The following SAR1B variants were observed in gnomAD, a reference collection of about 807,000 sequenced individuals.
SAR1B encodes the protein secretion associated Ras related GTPase 1B.
Under a neutral mutation model 26.8 loss-of-function variants are expected in SAR1B, and 23 were observed. The observed-to-expected ratio is 0.86, with a 90% confidence interval of 0.62 to 1.22. The LOEUF (loss-of-function observed/expected upper bound fraction) is 1.22, where lower values mean the gene tolerates loss of function less well. Ranked by LOEUF, SAR1B falls within the 50% of genes most tolerant of loss-of-function variation. SAR1B has a pLI of 0.00. For synonymous variants in SAR1B, 65 were observed against 80.8 expected, an observed-to-expected ratio of 0.80 and a Z score of 1.05; for missense variants, 196 against 232.8, an observed-to-expected ratio of 0.84 and a Z score of 1.03.
At chr5:134,629,900 GA>G (rs60994500) in intron 1 of SAR1B, among the ~76,000 whole-genome samples, 1 of 145,434 alleles carries the variant, frequency 6.9e-6, no homozygotes, top group Non-Finnish European at 1.5e-5. Context: ...AAAAAAAAAA[GA>G]AAAAAAAGAA....
chr5:134,612,418 TAAAAC>T (rs1765228497), intron 4 of SAR1B, among the ~76,000 whole-genome samples: 1 of 151,866 alleles, frequency 6.6e-6, no homozygotes, highest in Admixed American at 6.6e-5. Flanking sequence ...TAAGTTAAAA[TAAAAC>T]AAAGTGACTG....
intron 4 of SAR1B, among the ~76,000 whole-genome samples, chr5:134,611,538 T>C (rs1765211711): frequency 6.6e-6 from 1 of 151,838 alleles, no homozygotes; most frequent in South Asian, 2.1e-4. Context: ...CTGGGCAAGA[T>C]TGTGAGACCC....
At chr5:134,616,803 C>T (rs1002374243) in intron 3 of SAR1B, among the ~76,000 whole-genome samples, 3 of 152,204 alleles carry the variant, frequency 2.0e-5, no homozygotes, top group Admixed American at 6.5e-5. Flanking sequence ...TTATGACCAG[C>T]TTCTGCCATG....
chr5:134,626,375 CA>C (rs1765494833), intron 1 of SAR1B, among the ~76,000 whole-genome samples: 1 of 120,686 alleles, frequency 8.3e-6, no homozygotes, highest in South Asian at 2.7e-4. Flanking sequence ...TAATTAGAAA[CA>C]GAATTAACTG....
At chr5:134,607,732 A>G (rs1765150757) in intron 6 of SAR1B, among the ~76,000 whole-genome samples, 1 of 148,608 alleles carries the variant, frequency 6.7e-6, no homozygotes, top group African/African-American at 2.5e-5. Context: ...AGATTGCACC[A>G]TTGTACTCCA....
At chr5:134,615,580 C>T (rs1219474718) in intron 3 of SAR1B, among the ~76,000 whole-genome samples, 5 of 151,778 alleles carry the variant, frequency 3.3e-5, no homozygotes, top group Non-Finnish European at 7.4e-5. Flanking sequence ...CTTTGGGAGG[C>T]TGAGGCGGGT....
chr5:134,624,514 T>G (rs1015686967), intron 1 of SAR1B, among the ~76,000 whole-genome samples: 4 of 151,716 alleles, frequency 2.6e-5, no homozygotes, highest in African/African-American at 9.7e-5. Context: ...GTAAATGGGA[T>G]AAGAGGTTAA....
At chr5:134,612,610 A>C in intron 4 of SAR1B, 81 bp downstream of exon 4, 2 of 1,261,296 alleles carry the variant, frequency 1.6e-6, no homozygotes, top group Non-Finnish European at 1.0e-6. Context: ...GCACCACTGC[A>C]CTCCAGCCTG....
At chr5:134,614,189 T>G (rs1197833159) in intron 3 of SAR1B, 1 of 152,182 alleles carries the variant, frequency 6.6e-6, no homozygotes, top group East Asian at 1.9e-4. Context: ...TTTCAAATAC[T>G]GTATTTTTCA....
chr5:134,625,078 C>T (rs925510098), intron 1 of SAR1B, among the ~76,000 whole-genome samples: 1 of 152,158 alleles, frequency 6.6e-6, no homozygotes, highest in Non-Finnish European at 1.5e-5. Flanking sequence ...CAGCCTATGT[C>T]TCTTGTCTAA....
Position 134,606,892 on chromosome 5 carries a change from G to T in SAR1B, c.*58C>A. 1 of 1,060,924 alleles carries T rather than the reference G, an allele frequency of 9.4e-7. No individual in the cohort carries two copies. The highest frequency in any genetic ancestry group is 1.5e-6 in the Non-Finnish European group (1 of 675,014). The allele number at this position is 1,060,924 out of a possible 1,614,324, so 65.7% of individuals were successfully genotyped here. A position where few individuals can be genotyped will look rare whatever the true frequency, so the allele number is the denominator to read the frequency against. ...ATTGAATTCAAGTTATGCATGTTGA[G>T]CAATCAAATCTCTGAGTAAGCCTGA... is the stretch of plus-strand genomic sequence containing the variant. On this transcript the variant is annotated 3_prime_UTR_variant, in exon 7 of 7. Coordinates refer to ENST00000402673, the MANE Select transcript of SAR1B (RefSeq NM_016103.4).
Position 134,601,790 on chromosome 5 carries a change from T to C in SAR1B, c.*5160A>G, listed in dbSNP as rs936095333. ...GGCCGGGCGCAGTGGTTCACGCCTA[T>C]AATCTAGCACTTTGGGAGGCTGAGG... On this transcript the variant is annotated 3_prime_UTR_variant, in exon 7 of 7. Transcript: ENST00000402673. 6.6e-6 allele frequency: 1 copy of C among 152,244 alleles called. No homozygotes were observed. The highest frequency in any genetic ancestry group is 1.9e-4 in the East Asian group (1 of 5,200). 9.4% of individuals were successfully genotyped at this position (152,244 alleles called of 1,614,324 possible).
intron 2 of SAR1B, among the ~76,000 whole-genome samples, chr5:134,623,504 T>TTA (rs372756732): frequency 7.3e-6 from 1 of 137,898 alleles, no homozygotes; most frequent in Non-Finnish European, 1.5e-5. Context: ...TCTATAAAAT[T>TTA]AAAAAAAAAA....
At chr5:134,618,689 A>G (rs1161681495) in intron 3 of SAR1B, among the ~76,000 whole-genome samples, 1 of 152,242 alleles carries the variant, frequency 6.6e-6, no homozygotes, top group Non-Finnish European at 1.5e-5. Flanking sequence ...AATGCAAAAT[A>G]AAATTTATTA....
intron 2 of SAR1B, among the ~76,000 whole-genome samples, chr5:134,621,946 C>T (rs908108635): frequency 1.3e-5 from 2 of 152,140 alleles, no homozygotes; most frequent in African/African-American, 4.8e-5. Context: ...CCATGTTGGC[C>T]AGGCTGGCCT....
At chr5:134,609,250 G>A (rs1219525603) in intron 5 of SAR1B, 1 of 420,550 alleles carries the variant, frequency 2.4e-6, no homozygotes, top group African/African-American at 2.0e-5. Context: ...ATCTTAGCAT[G>A]ACCAGGGACT....
In SAR1B at chr5:134,602,289, T is replaced by C. The variant is rs185975343; in HGVS notation, c.*4661A>G. On this transcript the variant is annotated 3_prime_UTR_variant, in exon 7 of 7. Coordinates refer to ENST00000402673, the MANE Select transcript of SAR1B (RefSeq NM_016103.4). The stretch of plus-strand genomic sequence containing the variant: ...TTAGTGCCATTAAATATATTAGCTA[T>C]TTAATGCTCTAAATTATAAGGACAA... The C allele has an allele frequency of 6.6e-6, 1 of 152,338 alleles. No homozygotes were observed. The highest frequency in any genetic ancestry group is 1.9e-4 in the East Asian group (1 of 5,184). The allele number at this position is 152,338 out of a possible 1,614,324, so 9.4% of individuals were successfully genotyped here.
At chr5:134,631,804 C>T (rs186800305) in intron 1 of SAR1B, 15 of 152,374 alleles carry the variant, frequency 9.8e-5, no homozygotes, top group African/African-American at 3.4e-4. Flanking sequence ...TGGCTCATGC[C>T]TTTAATCCCA....
At chr5:134,621,948 G>A (rs1302982771) in intron 2 of SAR1B, among the ~76,000 whole-genome samples, 1 of 152,238 alleles carries the variant, frequency 6.6e-6, no homozygotes, top group South Asian at 2.1e-4. Context: ...ATGTTGGCCA[G>A]GCTGGCCTCA....
Sources: gnomAD v4.1 joint callset for allele counts (sites outside exome capture counted in the v4.1 genomes callset) on GRCh38, gnomAD v4.1.1 for gene constraint, MANE v1.5 for transcripts, NCBI Gene and HGNC (gene_info 2026-07-23, HGNC 2026-07-21) for gene names.